Variants in NXPH1 observed in about 807,000 individuals in gnomAD.
The protein encoded by NXPH1 is neurexophilin-1.
NXPH1 carries 5 observed loss-of-function variants against 23.7 expected under a neutral mutation model. That is an observed-to-expected ratio of 0.21 (90% CI 0.11 to 0.44). The LOEUF (loss-of-function observed/expected upper bound fraction) is 0.44, where lower values mean the gene tolerates loss of function less well. Among genes scored for constraint, NXPH1 ranks in the 20% least tolerant of loss-of-function variants. NXPH1 has a pLI of 0.99. For synonymous variants in NXPH1, 144 were observed against 122.2 expected (o/e 1.18, Z -1.18); for missense variants, 324 against 321.6 (o/e 1.01, Z -0.06).
At chr7:8,734,056 T>A (rs1780203080) in intron 2 of NXPH1, among the ~76,000 whole-genome samples, 1 of 152,192 alleles carries the variant, frequency 6.6e-6, no homozygotes, top group Non-Finnish European at 1.5e-5. Context: ...TTGTATAAGG[T>A]GTAAGGAAGG....
chr7:8,458,143 G>A (rs535116013), intron 2 of NXPH1, among the ~76,000 whole-genome samples: 8 of 152,312 alleles, frequency 5.3e-5, no homozygotes, highest in Non-Finnish European at 1.2e-4. Flanking sequence ...TATATTCTAC[G>A]CTTCTTCCTA....
At chr7:8,611,894 T>C (rs1331263358) in intron 2 of NXPH1, among the ~76,000 whole-genome samples, 2 of 152,070 alleles carry the variant, frequency 1.3e-5, no homozygotes, top group Admixed American at 1.3e-4. Context: ...TTCTTAGCAG[T>C]GAAACTTTAG....
At chr7:8,503,793 G>C (rs192954863) in intron 2 of NXPH1, among the ~76,000 whole-genome samples, 1 of 151,856 alleles carries the variant, frequency 6.6e-6, no homozygotes, top group African/African-American at 2.4e-5. Context: ...CCCATTTAAG[G>C]TCCGGTTCAT....
At chr7:8,724,853 A>G (rs1780023256) in intron 2 of NXPH1, among the ~76,000 whole-genome samples, 1 of 152,190 alleles carries the variant, frequency 6.6e-6, no homozygotes, top group Non-Finnish European at 1.5e-5. Flanking sequence ...TTTCATTAGC[A>G]CATGTCTCTT....
intron 2 of NXPH1, among the ~76,000 whole-genome samples, chr7:8,643,036 C>T (rs1562440257): frequency 1.3e-5 from 2 of 151,536 alleles, no homozygotes; most frequent in Non-Finnish European, 2.9e-5. Context: ...GGCTAATTTT[C>T]GTATTTTTAG....
intron 2 of NXPH1, among the ~76,000 whole-genome samples, chr7:8,609,636 AC>A (rs1819574078): frequency 6.6e-6 from 1 of 152,180 alleles, no homozygotes; most frequent in Non-Finnish European, 1.5e-5. Context: ...AGTATTACAG[AC>A]AAAAATCCCA....
intron 2 of NXPH1, among the ~76,000 whole-genome samples, chr7:8,654,049 T>C (rs1197155167): frequency 1.3e-5 from 2 of 152,194 alleles, no homozygotes; most frequent in African/African-American, 4.8e-5. Flanking sequence ...AATGTATAAA[T>C]CTATTTTCAG....
chr7:8,461,926 C>A (rs1212134220), intron 2 of NXPH1, among the ~76,000 whole-genome samples: 1 of 151,828 alleles, frequency 6.6e-6, no homozygotes, highest in Non-Finnish European at 1.5e-5. Flanking sequence ...AGTCATACTC[C>A]ACAAGCTACT....
intron 2 of NXPH1, among the ~76,000 whole-genome samples, chr7:8,659,381 G>A (rs1206672916): frequency 6.6e-6 from 1 of 152,148 alleles, no homozygotes; most frequent in East Asian, 1.9e-4. Context: ...TCTTTGCGAT[G>A]TGTTCAAACA....
intron 2 of NXPH1, among the ~76,000 whole-genome samples, chr7:8,678,598 C>G (rs1820992793): frequency 6.6e-6 from 1 of 152,068 alleles, no homozygotes; most frequent in South Asian, 2.1e-4. Context: ...CTCGTGATCA[C>G]CAAAAATCTC....
chr7:8,440,467 A>C (rs1347853325), intron 2 of NXPH1, among the ~76,000 whole-genome samples: 1 of 152,088 alleles, frequency 6.6e-6, no homozygotes, highest in Non-Finnish European at 1.5e-5. Flanking sequence ...GTTGATTTCT[A>C]TTTGGCTTTG....
intron 2 of NXPH1, among the ~76,000 whole-genome samples, chr7:8,523,120 G>C (rs1326551252): frequency 3.9e-5 from 6 of 152,222 alleles, no homozygotes; most frequent in Non-Finnish European, 1.5e-5. Context: ...ATGATTGTTG[G>C]ATGAGTGGAT....
At chr7:8,716,782 A>ATTGC (rs1779885326) in intron 2 of NXPH1, among the ~76,000 whole-genome samples, 1 of 152,172 alleles carries the variant, frequency 6.6e-6, no homozygotes, top group South Asian at 2.1e-4. Flanking sequence ...AATATTTAAA[A>ATTGC]ACTTATGTAC....
At chr7:8,743,641 G>C (rs1201930198) in intron 2 of NXPH1, among the ~76,000 whole-genome samples, 1 of 151,694 alleles carries the variant, frequency 6.6e-6, no homozygotes, top group South Asian at 2.1e-4. Context: ...CCTAAGACAT[G>C]TATAGGAGGA....
chr7:8,724,766 T>C (rs1171412846), intron 2 of NXPH1, among the ~76,000 whole-genome samples: 3 of 152,232 alleles, frequency 2.0e-5, no homozygotes, highest in Non-Finnish European at 4.4e-5. Flanking sequence ...TGTGTCTGAT[T>C]AACTTTTCTT....
intron 2 of NXPH1, among the ~76,000 whole-genome samples, chr7:8,465,417 C>G (rs542245657): frequency 1.3e-5 from 2 of 152,144 alleles, no homozygotes; most frequent in African/African-American, 2.4e-5. Context: ...CCTCTCACCC[C>G]TGAAAGGCTT....
chr7:8,586,024 G>T (rs572916425), intron 2 of NXPH1, among the ~76,000 whole-genome samples: 27 of 152,268 alleles, frequency 1.8e-4, no homozygotes, highest in Admixed American at 7.8e-4. Flanking sequence ...CCTTTTACAA[G>T]TTATCATGGA....
chr7:8,604,293 A>G (rs1201892535), intron 2 of NXPH1, among the ~76,000 whole-genome samples: 1 of 152,158 alleles, frequency 6.6e-6, no homozygotes, highest in Non-Finnish European at 1.5e-5. Context: ...CTGATCTTTT[A>G]TATTTCTAAT....
chr7:8,626,320 T>G (rs892068881), intron 2 of NXPH1, among the ~76,000 whole-genome samples: 1 of 152,142 alleles, frequency 6.6e-6, no homozygotes, highest in African/African-American at 2.4e-5. Context: ...ACTGCAACTT[T>G]GTTGAACCTC....
Sources: allele counts gnomAD v4.1 joint callset (sites outside exome capture counted in the v4.1 genomes callset), GRCh38; gene constraint gnomAD v4.1.1; transcripts MANE v1.5; gene names NCBI Gene and HGNC (gene_info 2026-07-23, HGNC 2026-07-21).